METTL4: variants seen among roughly 807,000 people sequenced by gnomAD.
The protein encoded by METTL4 is methyltransferase 4, N6-adenosine, also known as N(6)-adenine-specific methyltransferase METTL4.
METTL4 carries 40 observed loss-of-function variants against 54.0 expected under a neutral mutation model. That is an observed-to-expected ratio of 0.74 (90% CI 0.58 to 0.96). The LOEUF (loss-of-function observed/expected upper bound fraction) is 0.96, where lower values mean the gene tolerates loss of function less well. METTL4 is among the 50% of genes least tolerant of loss of function. The pLI, the probability that METTL4 is intolerant of heterozygous loss-of-function variation, is 0.00. For missense variants in METTL4, 525 were observed against 549.0 expected (o/e 0.96, Z 0.44); for synonymous variants, 169 against 183.8 (o/e 0.92, Z 0.65).
intron 3 of METTL4, among the ~76,000 whole-genome samples, chr18:2,556,748 T>C (rs2072245012): frequency 6.6e-6 from 1 of 151,688 alleles, no homozygotes; most frequent in African/African-American, 2.4e-5. Context: ...AAGGACCAAA[T>C]GTGTCCAAAA....
chr18:2,557,468 GA>G (rs1294251727), intron 3 of METTL4, among the ~76,000 whole-genome samples: 1 of 152,122 alleles, frequency 6.6e-6, no homozygotes. Flanking sequence ...TTTTGTTCCA[GA>G]AAAAATTTCC....
chr18:2,542,574 T>A (rs185544629), intron 8 of METTL4, among the ~76,000 whole-genome samples: 3 of 152,278 alleles, frequency 2.0e-5, no homozygotes, highest in Admixed American at 1.3e-4. Context: ...ACACTAGCTT[T>A]GTTACCAAGT....
intron 3 of METTL4, chr18:2,555,405 A>T: frequency 4.6e-6 from 1 of 215,590 alleles, no homozygotes; most frequent in Non-Finnish European, 9.2e-6. Flanking sequence ...GGAGAAATAC[A>T]TCCATAACAT....
Position 2,554,937 on chromosome 18 carries a change from C to G in METTL4, c.561G>C (p.Lys187Asn). The change falls in exon 4 of 9, where the codon AAG (lysine) becomes AAC (asparagine). Residue 187 changes from lysine (K) to asparagine (N), a missense_variant. Physicochemically the swap from Lys to Asn is moderately conservative, Grantham distance 94. Transcript: ENST00000574538. ...PLFEKQDKGS[K>N]PITLPLDACS... Reference sequence around the variant, plus strand: ...AGGCGTCAAGTGGTAAAGTAATGGGCTTACTACCCTTGTCCTGTTTTTCAA... The same window carrying G: ...AGGCGTCAAGTGGTAAAGTAATGGGGTTACTACCCTTGTCCTGTTTTTCAA... 1 of 1,614,060 alleles carries G rather than the reference C, an allele frequency of 6.2e-7. No homozygotes were observed. The highest frequency in any genetic ancestry group is 8.5e-7 in the Non-Finnish European group (1 of 1,179,962).
chr18:2,570,450 A>G (rs1168946130), intron 1 of METTL4, among the ~76,000 whole-genome samples: 3 of 152,226 alleles, frequency 2.0e-5, no homozygotes, highest in African/African-American at 7.2e-5. Context: ...CACCTTTGGA[A>G]GCAGCAACTA....
intron 8 of METTL4, among the ~76,000 whole-genome samples, chr18:2,543,649 C>G (rs1444298507): frequency 6.6e-6 from 1 of 152,178 alleles, no homozygotes; most frequent in Non-Finnish European, 1.5e-5. Flanking sequence ...CCACTATTCC[C>G]TGCTGCATAG....
At chr18:2,560,833 G>T (rs2072306177) in intron 3 of METTL4, among the ~76,000 whole-genome samples, 1 of 152,106 alleles carries the variant, frequency 6.6e-6, no homozygotes, top group Non-Finnish European at 1.5e-5. Flanking sequence ...GAGCGGAGAT[G>T]GGCCACTGCA....
intron 8 of METTL4, chr18:2,540,914 G>A: frequency 3.0e-6 from 3 of 985,298 alleles, no homozygotes; most frequent in Non-Finnish European, 3.6e-6. Flanking sequence ...TTCCTCTTCT[G>A]AGCACCCACT....
In METTL4 at chr18:2,540,198, C is replaced by T. The variant is rs908694769; in HGVS notation, c.1274-1053G>A. On this transcript the variant is annotated intron_variant, in intron 8 of 8. Transcript: ENST00000574538. ...GAACACAGAAACTTTTTGAAAAGCACATGTTCACTCAATTGGATGACAAAT... is the reference window on the plus strand; with the variant it reads ...GAACACAGAAACTTTTTGAAAAGCATATGTTCACTCAATTGGATGACAAAT... The T allele has an allele frequency of 3.9e-5, 38 of 985,144 alleles. No individual in the cohort carries two copies. The South Asian group carries it at 5.6e-4, about 15-fold the overall frequency. The allele number at this position is 985,144 out of a possible 1,614,324, so 61.0% of individuals were successfully genotyped here. A position where few individuals can be genotyped will look rare whatever the true frequency, so the allele number is the denominator to read the frequency against.
At chr18:2,567,759 G>A (rs1273957851) in intron 1 of METTL4, 105 bp from the exon 2 acceptor site, 2 of 152,254 alleles carry the variant, frequency 1.3e-5, no homozygotes, top group African/African-American at 4.8e-5. Context: ...CTGTTAGCAG[G>A]TAATCCCTCG....
intron 5 of METTL4, among the ~76,000 whole-genome samples, chr18:2,551,336 TATAAAG>T (rs1222761794): frequency 6.6e-6 from 1 of 151,374 alleles, no homozygotes; most frequent in Non-Finnish European, 1.5e-5. Context: ...AAAAAAATTA[TATAAAG>T]ATATAGATAT....
intron 8 of METTL4, chr18:2,540,987 A>G (rs1175872175): frequency 4.4e-6 from 4 of 912,012 alleles, no homozygotes; most frequent in Non-Finnish European, 5.2e-6. Context: ...GAGAGTTTAC[A>G]ATCTAATGGA....
At position 2,537,931 on chromosome 18, in the gene METTL4, A is replaced by C. The variant is rs1207445052; in HGVS notation, c.*1069T>G. The C allele has an allele frequency of 1.0e-5, 4 of 398,420 alleles. No individual in the cohort carries two copies. The Admixed American group carries it at 1.3e-4, about 13-fold the overall frequency. 24.7% of individuals were successfully genotyped at this position (398,420 alleles called of 1,614,324 possible). A position where few individuals can be genotyped will look rare whatever the true frequency, so the allele number is the denominator to read the frequency against. The stretch of plus-strand genomic sequence containing the variant: ...ATAGGAGCAGGGGATTGACTGCAAA[A>C]GGAAAAATGAGAAGTTTTCAGGGTA... On this transcript the variant is annotated 3_prime_UTR_variant, in exon 9 of 9. Coordinates refer to ENST00000574538, the MANE Select transcript of METTL4 (RefSeq NM_022840.5).
At chr18:2,565,736 G>A (rs993902147) in intron 2 of METTL4, among the ~76,000 whole-genome samples, 1 of 152,052 alleles carries the variant, frequency 6.6e-6, no homozygotes, top group Admixed American at 6.6e-5. Flanking sequence ...GAGCTCAAAC[G>A]TTTGTTCGGT....
rs183140092 is a variant in METTL4, at chr18:2,554,783, C to G, written c.715G>C (p.Glu239Gln). The G allele has an allele frequency of 6.0e-4, 966 of 1,613,652 alleles. 7 individuals carry two copies. In the Admixed American group the frequency reaches 0.015, roughly 25 times the overall value. ...TEQDLFLRVV[E>Q]NNSSFTKVIT... is the part of the protein sequence containing the mutation. Reference sequence around the variant, plus strand: ...ACTTTTGTAAAGCTAGAGTTGTTTTCAACAACTCGCAAAAATAAATCCTGT... The same window carrying G: ...ACTTTTGTAAAGCTAGAGTTGTTTTGAACAACTCGCAAAAATAAATCCTGT... Residue 239 changes from glutamate to glutamine, a missense_variant, in exon 4 of 9, where the codon GAA becomes CAA. Coordinates refer to ENST00000574538, the MANE Select transcript of METTL4 (RefSeq NM_022840.5).
intron 3 of METTL4, chr18:2,562,115 T>A (rs1194838419): frequency 6.5e-6 from 1 of 152,960 alleles, no homozygotes; most frequent in Non-Finnish European, 1.5e-5. Context: ...CTCTTGTCTG[T>A]ATTCCCAGCA....
chr18:2,561,225 T>A (rs2072312053), intron 3 of METTL4: 1 of 152,148 alleles, frequency 6.6e-6, no homozygotes, highest in Non-Finnish European at 1.5e-5. Context: ...TGTATTATAA[T>A]TTCCACCCTA....
rs2072427271 is a variant in METTL4, at chr18:2,566,911, T to G, written c.306A>C (p.Pro102=). 1 of 1,614,018 alleles carries G rather than the reference T, an allele frequency of 6.2e-7. No homozygotes were observed. The highest frequency in any genetic ancestry group is 8.5e-7 in the Non-Finnish European group (1 of 1,179,932). The change falls in exon 2 of 9, where the codon CCA becomes CCC. Residue 102 remains proline, a synonymous_variant. Transcript: ENST00000574538. ...LFDVTKPYIT[P]AVHKECQQSN... The stretch of plus-strand genomic sequence containing the variant: ...TTTGCTGGCATTCTTTATGAACAGC[T>G]GGAGTTATATAAGGTTTGGTGACAT...
At chr18:2,568,427 T>A (rs1236050501) in intron 1 of METTL4, 1 of 143,374 alleles carries the variant, frequency 7.0e-6, no homozygotes, top group African/African-American at 2.6e-5. Flanking sequence ...GGAGTACCTC[T>A]CAATTTCCAA....
Sources: allele counts gnomAD v4.1 joint callset (sites outside exome capture counted in the v4.1 genomes callset), GRCh38; gene constraint gnomAD v4.1.1; transcripts MANE v1.5; gene names NCBI Gene and HGNC (gene_info 2026-07-23, HGNC 2026-07-21).